The following NEBL variants were observed in gnomAD, a reference collection of about 807,000 sequenced individuals.
NEBL encodes the protein LIM and SH3 protein 2.
Under a neutral mutation model 140.2 loss-of-function variants are expected in NEBL, and 122 were observed. The ratio of observed to expected loss-of-function variants is 0.87; its 90% confidence interval spans 0.75 to 1.01. The LOEUF is 1.01. Ranked by LOEUF, NEBL falls within the 50% of genes least tolerant of loss-of-function variation. The probability of loss-of-function intolerance (pLI) is 0.00; values close to 1 mark genes in which losing one functional copy is unlikely to be tolerated. For missense variants in NEBL, 1,365 were observed against 1,231.3 expected, an observed-to-expected ratio of 1.11 and a Z score of -1.62; for synonymous variants, 436 against 398.9, an observed-to-expected ratio of 1.09 and a Z score of -1.11.
chr10:20,861,011 A>C (rs1843642902), intron 7 of NEBL, among the ~76,000 whole-genome samples: 1 of 152,220 alleles, frequency 6.6e-6, no homozygotes, highest in African/African-American at 2.4e-5. Flanking sequence ...ATACCTTACA[A>C]ACTGATTTTA....
At position 20,828,680 on chromosome 10, in the gene NEBL, G is replaced by A. The variant is rs201596786; in HGVS notation, c.1672-46C>T. 261 of 1,268,232 alleles carry A rather than the reference G, an allele frequency of 2.1e-4. No homozygotes were observed. In the African/African-American group the frequency reaches 2.5e-3, roughly 12 times the overall value. The allele number at this position is 1,268,232 out of a possible 1,614,324, so 78.6% of individuals were successfully genotyped here. On this transcript the variant is annotated intron_variant, in intron 16 of 27. Coordinates refer to ENST00000377122, the MANE Select transcript of NEBL (RefSeq NM_006393.3). ...TATAAATCTGAAACTATGTGTGTGC[G>A]CACATGTGAGAGGGAGGGAGGGAGG...
At chr10:21,163,934 G>A (rs1840657807) in intron 2 of NEBL, among the ~76,000 whole-genome samples, 1 of 152,122 alleles carries the variant, frequency 6.6e-6, no homozygotes, top group Non-Finnish European at 1.5e-5. Context: ...AAATTAATAC[G>A]GGATTTCCAG....
intron 3 of NEBL, among the ~76,000 whole-genome samples, chr10:20,990,755 G>T (rs571619852): frequency 3.9e-5 from 6 of 152,172 alleles, no homozygotes; most frequent in Non-Finnish European, 8.8e-5. Context: ...TTTTCTTTCT[G>T]TCTCACCCAG....
chr10:21,161,424 G>A (rs1449410168), intron 2 of NEBL, among the ~76,000 whole-genome samples: 1 of 152,018 alleles, frequency 6.6e-6, no homozygotes, highest in Non-Finnish European at 1.5e-5. Flanking sequence ...AACTCACCAT[G>A]CCCCCAACAA....
intron 2 of NEBL, among the ~76,000 whole-genome samples, chr10:21,066,971 CTTT>C (rs56352671): frequency 1.8e-5 from 2 of 112,832 alleles, no homozygotes; most frequent in African/African-American, 3.2e-5. Context: ...AATAATTTAA[CTTT>C]TTTTTTTTTT....
intron 4 of NEBL, among the ~76,000 whole-genome samples, chr10:20,914,719 A>G (rs1023312628): frequency 6.6e-6 from 1 of 152,182 alleles, no homozygotes; most frequent in African/African-American, 2.4e-5. Flanking sequence ...AGGTAACTGC[A>G]TATCCAGACA....
chr10:21,033,753 A>AAAG (rs1554819852), intron 2 of NEBL, among the ~76,000 whole-genome samples: 2,635 of 147,080 alleles, frequency 0.018, 108 homozygotes, highest in African/African-American at 0.061. Flanking sequence ...AAAAAAAAAA[A>AAAG]AAAGAAAGAA....
At chr10:21,172,525 T>C in intron 1 of NEBL, 1 of 1,430,238 alleles carries the variant, frequency 7.0e-7, no homozygotes, top group South Asian at 1.2e-5. Context: ...ATGCCAGTTC[T>C]CACCAGGATG....
chr10:21,136,080 T>A (rs1268413452), intron 2 of NEBL, among the ~76,000 whole-genome samples: 3 of 152,158 alleles, frequency 2.0e-5, no homozygotes, highest in South Asian at 4.1e-4. Flanking sequence ...CAGGATCACA[T>A]TCTGGGTTGG....
rs549838502 is a variant in NEBL, at chr10:21,071,536, CATTACA to C, written c.165-51341_165-51336del. Among the ~76,000 whole-genome samples, 3 of 152,286 alleles carry C rather than the reference CATTACA, an allele frequency of 2.0e-5. 1 individual carries two copies. In the South Asian group the frequency reaches 6.2e-4, roughly 32 times the overall value. On this transcript the variant is annotated intron_variant, in intron 2 of 6. Coordinates refer to the NEBL transcript ENST00000417816. ...TCTGTGGTTCAGAACCCAGGCTGTA[CATTACA>C]ATCACCTAGGACACTTTTAAAAATA...
intron 18 of NEBL, among the ~76,000 whole-genome samples, chr10:20,823,604 A>C (rs1311242770): frequency 6.6e-6 from 1 of 152,130 alleles, no homozygotes; most frequent in Non-Finnish European, 1.5e-5. Context: ...AACCTTGTAC[A>C]TTATCGTAAA....
intron 26 of NEBL, among the ~76,000 whole-genome samples, chr10:20,795,969 G>A (rs1263200962): frequency 6.6e-6 from 1 of 152,076 alleles, no homozygotes; most frequent in African/African-American, 2.4e-5. Context: ...TATTGCCTGT[G>A]AACTGCAAAA....
intron 4 of NEBL, among the ~76,000 whole-genome samples, chr10:20,921,243 C>T (rs2131500362): frequency 6.6e-6 from 1 of 152,268 alleles, no homozygotes; most frequent in African/African-American, 2.4e-5. Context: ...AAAATAAGGA[C>T]AAATTCACAC....
chr10:21,292,322 G>C (rs764514433), intron 1 of NEBL, among the ~76,000 whole-genome samples: 12 of 152,136 alleles, frequency 7.9e-5, no homozygotes, highest in Non-Finnish European at 1.3e-4. Flanking sequence ...GGCCATTAAA[G>C]GGTATTAAAT....
intron 26 of NEBL, among the ~76,000 whole-genome samples, chr10:20,790,925 G>A (rs1835899076): frequency 6.6e-6 from 1 of 152,170 alleles, no homozygotes; most frequent in Admixed American, 6.5e-5. Flanking sequence ...CAACAAACAA[G>A]GGCTTTTCAA....
chr10:20,848,257 T>G (rs963223190), intron 11 of NEBL, among the ~76,000 whole-genome samples: 1 of 152,258 alleles, frequency 6.6e-6, no homozygotes, highest in South Asian at 2.1e-4. Context: ...ATACAGTGTT[T>G]ACAAACTGTT....
intron 3 of NEBL, among the ~76,000 whole-genome samples, chr10:21,245,607 C>T (rs1467441278): frequency 6.6e-6 from 1 of 152,212 alleles, no homozygotes; most frequent in Admixed American, 6.5e-5. Context: ...TCTTGGCTCA[C>T]TGCAACCTCC....
At chr10:21,216,852 G>T (rs982467354) in intron 3 of NEBL, among the ~76,000 whole-genome samples, 3 of 151,964 alleles carry the variant, frequency 2.0e-5, no homozygotes, top group African/African-American at 4.8e-5. Flanking sequence ...GCCGGGTGTG[G>T]TGGCACGTGC....
intron 24 of NEBL, among the ~76,000 whole-genome samples, chr10:20,810,287 T>G (rs545428358): frequency 6.6e-6 from 1 of 152,212 alleles, no homozygotes; most frequent in East Asian, 1.9e-4. Context: ...AGCAAAATGT[T>G]TGATTATAGT....
Sources: gnomAD v4.1 joint callset for allele counts (sites outside exome capture counted in the v4.1 genomes callset) on GRCh38, gnomAD v4.1.1 for gene constraint, MANE v1.5 for transcripts, NCBI Gene and HGNC (gene_info 2026-07-23, HGNC 2026-07-21) for gene names.